The following ADAP1 variants were observed in gnomAD, a reference collection of about 807,000 sequenced individuals.
ADAP1 encodes ArfGAP with dual PH domains 1.
A neutral mutation model predicts 54.9 loss-of-function variants in ADAP1; 31 were observed. The ratio of observed to expected loss-of-function variants is 0.56; its 90% CI spans 0.42 to 0.76. ADAP1 has a LOEUF of 0.76. Among genes scored for constraint, ADAP1 ranks in the 30% least tolerant of loss-of-function variants. The pLI is 0.00. For missense variants in ADAP1, 535 were observed against 512.4 expected (o/e 1.04, Z -0.42); for synonymous variants, 313 against 202.6 (o/e 1.55, Z -4.63).
rs1315145325 is a variant in ADAP1, at chr7:954,508, G to A, written c.-31C>T. On this transcript the variant is annotated 5_prime_UTR_variant, in exon 1 of 11. Coordinates refer to ENST00000265846, the MANE Select transcript of ADAP1 (RefSeq NM_006869.4). ...CGATGCGCCCGCGATGCCGATGCCG[G>A]GGCCGGGGCCGGGAGCGTCAGCCCG... The A allele has an allele frequency of 2.0e-6, 2 of 1,009,710 alleles. No homozygotes were observed. The highest frequency in any genetic ancestry group is 1.0e-4 in the East Asian group (1 of 9,866). 62.5% of individuals were successfully genotyped at this position (1,009,710 alleles called of 1,614,324 possible). A position where few individuals can be genotyped will look rare whatever the true frequency, so the allele number is the denominator to read the frequency against.
At chr7:903,238 G>A (rs572862142) in intron 6 of ADAP1, among the ~76,000 whole-genome samples, 5 of 152,278 alleles carry the variant, frequency 3.3e-5, no homozygotes, top group East Asian at 3.9e-4. Flanking sequence ...GGCTGCACCC[G>A]ACTCGGCCCC....
At chr7:955,210 C>T (rs1847357097), upstream of ADAP1, 2 of 1,265,048 alleles carry the variant, frequency 1.6e-6, no homozygotes, top group Non-Finnish European at 2.2e-6. Context: ...CTGGGCACCC[C>T]TCCCACTCAG....
chr7:932,982 C>T (rs1846631119), intron 2 of ADAP1, among the ~76,000 whole-genome samples: 1 of 152,160 alleles, frequency 6.6e-6, no homozygotes. Flanking sequence ...CCTCGAATTC[C>T]TTGGCTCAGC....
chr7:907,374 C>G (rs1027236533), intron 4 of ADAP1, among the ~76,000 whole-genome samples: 2 of 152,102 alleles, frequency 1.3e-5, no homozygotes, highest in African/African-American at 4.8e-5. Context: ...AGAGGGGGCC[C>G]CAGAGCCCAG....
intron 1 of ADAP1, among the ~76,000 whole-genome samples, 163 bp from the exon 2 acceptor site, chr7:935,668 A>C (rs1583178808): frequency 2.6e-5 from 3 of 114,704 alleles, no homozygotes; most frequent in Admixed American, 8.8e-5. Flanking sequence ...ACCTAACCCC[A>C]GCTCCCCCCC....
chr7:908,547 G>A (rs867439230), intron 4 of ADAP1, among the ~76,000 whole-genome samples: 2 of 152,188 alleles, frequency 1.3e-5, no homozygotes, highest in African/African-American at 4.8e-5. Context: ...CCCTTCTCCT[G>A]CTTCTCACTG....
chr7:946,066 C>A lies in ADAP1; in HGVS notation c.82+8330G>T, dbSNP rs945390950. Among the ~76,000 whole-genome samples the A allele has an allele frequency of 3.9e-5, 6 of 152,228 alleles. No individual in the cohort carries two copies. On this transcript the variant is annotated intron_variant, in intron 1 of 10. Coordinates refer to ENST00000265846, the MANE Select transcript of ADAP1 (RefSeq NM_006869.4). The surrounding 1 kb of genome is among the most constrained non-coding windows in gnomAD (Gnocchi z 4.3). ...AGGGGCAGCCGAGGTGGGAGGGTGCCCTTGTGGGAGGGGCTCCGGTGCCCA... is the reference window on the plus strand; with the variant it reads ...AGGGGCAGCCGAGGTGGGAGGGTGCACTTGTGGGAGGGGCTCCGGTGCCCA...
rs71020534 is a variant in ADAP1, at chr7:900,864, A to AGAAGGGCC, written c.649-256_649-249dup. 7.8e-3 allele frequency: 4,725 copies of AGAAGGGCC among 602,674 alleles called. 37 individuals are homozygous for AGAAGGGCC. The highest frequency in any genetic ancestry group is 0.02 in the African/African-American group (1,091 of 53,868). The allele number at this position is 602,674 out of a possible 1,614,324, so 37.3% of individuals were successfully genotyped here. A position where few individuals can be genotyped will look rare whatever the true frequency, so the allele number is the denominator to read the frequency against. On this transcript the variant is annotated intron_variant, in intron 6 of 10. Transcript: ENST00000265846. ...TGCAGCCTCCCCCGGCGAAGTCCTG[A>AGAAGGGCC]GAAGGGCCGAAGGGCCGAAGGGCCG...
At chr7:928,820 CAT>C (rs967397475) in intron 2 of ADAP1, among the ~76,000 whole-genome samples, 8 of 152,202 alleles carry the variant, frequency 5.3e-5, no homozygotes, top group African/African-American at 1.7e-4. Context: ...ACAGAGTTAC[CAT>C]AGAGTCCAGC....
intron 2 of ADAP1, chr7:927,546 C>A (rs1846431726): frequency 2.1e-6 from 1 of 468,444 alleles, no homozygotes. Flanking sequence ...CTGACATCAC[C>A]CTGCTCCGAG....
chr7:947,023 C>T (rs1365198983), intron 1 of ADAP1, among the ~76,000 whole-genome samples: 2 of 151,916 alleles, frequency 1.3e-5, no homozygotes, highest in Admixed American at 1.3e-4. Context: ...AATTGCACCT[C>T]GATTTGGGGT....
At chr7:903,680 A>G (rs1229182316) in intron 6 of ADAP1, among the ~76,000 whole-genome samples, 1 of 151,818 alleles carries the variant, frequency 6.6e-6, no homozygotes, top group South Asian at 2.1e-4. Context: ...CGCCACACCA[A>G]GGGCAGCCAA....
rs1845043183 is a variant in ADAP1, at chr7:905,107, C to G, written c.454G>C (p.Val152Leu). ...AGAGCACCCTCTCGTTCTGTCAGCA[C>G]AAACTTCCGGCTCAAAAACTGCCCG... ...DNGQFLSRKFVLTEREGALKY... is the reference protein window; with the variant it reads ...DNGQFLSRKFLLTEREGALKY... The change falls in exon 5 of 11, where the codon GTG becomes CTG. Residue 152 changes from valine to leucine, a missense_variant. Transcript: ENST00000265846. 6.8e-6 allele frequency: 11 copies of G among 1,612,490 alleles called. No homozygotes were observed. Among genetic ancestry groups the G allele is most frequent in the South Asian group, 1.1e-5 (1 of 91,084 alleles).
chr7:948,400 C>T (rs996699735), intron 1 of ADAP1, among the ~76,000 whole-genome samples: 2 of 152,290 alleles, frequency 1.3e-5, no homozygotes, highest in Admixed American at 6.5e-5. Flanking sequence ...CTTCCCTCCC[C>T]GCCGGCCCAT....
Position 954,494 on chromosome 7 carries a change from C to G in ADAP1, c.-17G>C. 9.8e-7 allele frequency: 1 copy of G among 1,016,244 alleles called. No homozygotes were observed. Among genetic ancestry groups the G allele is most frequent in the Non-Finnish European group, 1.2e-6 (1 of 852,292 alleles). The allele number at this position is 1,016,244 out of a possible 1,614,324, so 63.0% of individuals were successfully genotyped here. A position where few individuals can be genotyped will look rare whatever the true frequency, so the allele number is the denominator to read the frequency against. ...CTTGGCCATGGCCGCGATGCGCCCG[C>G]GATGCCGATGCCGGGGCCGGGGCCG... On this transcript the variant is annotated 5_prime_UTR_variant, in exon 1 of 11. Coordinates refer to ENST00000265846, the MANE Select transcript of ADAP1 (RefSeq NM_006869.4).
chr7:931,709 T>A (rs1327969617), intron 2 of ADAP1, among the ~76,000 whole-genome samples: 1 of 150,686 alleles, frequency 6.6e-6, no homozygotes, highest in Non-Finnish European at 1.5e-5. Flanking sequence ...AATGTATGGC[T>A]GTGAACGGCA....
intron 4 of ADAP1, among the ~76,000 whole-genome samples, chr7:908,394 G>T (rs544118790): frequency 1.3e-5 from 2 of 152,210 alleles, no homozygotes; most frequent in East Asian, 3.9e-4. Flanking sequence ...CGGGGAGGGG[G>T]CCCTGGGCTG....
In ADAP1 at chr7:905,468, GGAGAAAGGGAAA is replaced by G; in HGVS notation, c.389-308_389-297del. On this transcript the variant is annotated intron_variant, in intron 4 of 10. Transcript: ENST00000265846. ...GAAAGGGAGAAAGGGAAAGGAGAAA[GGAGAAAGGGAAA>G]GGAGAAAGGAGAAGGGAGAAGGGAG... The G allele has an allele frequency of 7.9e-5, 11 of 139,134 alleles. 2 individuals are homozygous for G. Among genetic ancestry groups the G allele is most frequent in the Non-Finnish European group, 9.7e-5 (7 of 72,004 alleles). The allele number at this position is 139,134 out of a possible 1,614,324, so 8.6% of individuals were successfully genotyped here. A position where few individuals can be genotyped will look rare whatever the true frequency, so the allele number is the denominator to read the frequency against.
In ADAP1 at chr7:900,164, G is replaced by C; in HGVS notation, c.733C>G (p.Leu245Val). ...TAGTTCCTGGAGAGCTTTGGCACCA[G>C]CTAGGGCAGGACACACCAGGCAGGG... ...VAFPGAGDAD[L>V]VPKLSRNYLK... Residue 245 changes from leucine to valine, a missense_variant and splice_region_variant, in exon 8 of 11, where the codon CTG (leucine) becomes GTG (valine). Coordinates refer to ENST00000265846, the MANE Select transcript of ADAP1 (RefSeq NM_006869.4). 6.2e-7 allele frequency: 1 copy of C among 1,613,160 alleles called. No individual in the cohort carries two copies. Among genetic ancestry groups the C allele is most frequent in the Non-Finnish European group, 8.5e-7 (1 of 1,179,940 alleles).
Sources: allele counts gnomAD v4.1 joint callset (sites outside exome capture counted in the v4.1 genomes callset), GRCh38; gene constraint gnomAD v4.1.1; non-coding constraint Gnocchi (gnomAD v3.1); transcripts MANE v1.5; gene names NCBI Gene and HGNC (gene_info 2026-07-23, HGNC 2026-07-21).